The following STAT5B variants were observed in gnomAD, a reference collection of about 807,000 sequenced individuals.
The protein encoded by STAT5B is transcription factor STAT5B.
In STAT5B, 21 loss-of-function variants were observed where a neutral mutation model predicts 107.8. That is an observed-to-expected ratio of 0.19 (90% CI 0.14 to 0.28). STAT5B has a LOEUF of 0.28. Among genes scored for constraint, STAT5B ranks in the 10% least tolerant of loss-of-function variants. STAT5B has a pLI of 1.00. For synonymous variants in STAT5B, 325 were observed against 401.7 expected, an observed-to-expected ratio of 0.81 and a Z score of 2.28; for missense variants, 565 against 1,008.2, an observed-to-expected ratio of 0.56 and a Z score of 5.95.
chr17:42,262,960 GTGTGTGTGTGTATATA>G (rs1300237781), intron 1 of STAT5B, among the ~76,000 whole-genome samples: 1 of 52,412 alleles, frequency 1.9e-5, no homozygotes, highest in African/African-American at 9.1e-5. Flanking sequence ...GTGTGTGTGT[GTGTGTGTGTGTATATA>G]TATATATATA....
chr17:42,272,047 C>T (rs140951229), intron 1 of STAT5B: 46 of 152,224 alleles, frequency 3.0e-4, no homozygotes, highest in African/African-American at 1.1e-3. Flanking sequence ...TAGCATAAAG[C>T]GAGTTAAAGG....
chr17:42,233,799 T>C (rs2080336604), intron 1 of STAT5B: 1 of 152,152 alleles, frequency 6.6e-6, no homozygotes, highest in African/African-American at 2.4e-5. Flanking sequence ...CGGTAGTTTC[T>C]TTTTTTAACA....
rs1366196479 is a variant in STAT5B, at chr17:42,276,374, G to C, written c.-137C>G. 1.4e-5 allele frequency: 2 copies of C among 146,996 alleles called. No homozygotes were observed. Among genetic ancestry groups the C allele is most frequent in the African/African-American group, 4.9e-5 (2 of 40,904 alleles). The allele number at this position is 146,996 out of a possible 1,614,324, so 9.1% of individuals were successfully genotyped here. On this transcript the variant is annotated 5_prime_UTR_variant, in exon 1 of 19. Transcript: ENST00000293328. This position sits in a 1 kb window ranked among gnomAD's most constrained non-coding sequence, Gnocchi z 4.8. ...TGCCTGCGCTGGGTCCCCGCCCGGG[G>C]TGACGGCTCCGGCCGCCGACTCTCC...
rs779170624 is a variant in STAT5B, at chr17:42,201,706, A to C, written c.*32T>G. The C allele has an allele frequency of 7.6e-7, 1 of 1,323,210 alleles. No individual in the cohort carries two copies. The highest frequency in any genetic ancestry group is 1.1e-6 in the Non-Finnish European group (1 of 913,784). 82.0% of individuals were successfully genotyped at this position (1,323,210 alleles called of 1,614,324 possible). A position where few individuals can be genotyped will look rare whatever the true frequency, so the allele number is the denominator to read the frequency against. On this transcript the variant is annotated 3_prime_UTR_variant, in exon 19 of 19. Transcript: ENST00000293328. ...CACAAGAGTGATTCCTCTGGTGAAG[A>C]TGAAGAAGCTGAAGATGGAGAGGTC...
At chr17:42,267,762 C>T (rs1257564441) in intron 1 of STAT5B, among the ~76,000 whole-genome samples, 1 of 151,806 alleles carries the variant, frequency 6.6e-6, no homozygotes, top group Admixed American at 6.6e-5. Context: ...AGTTTGAGAC[C>T]AGCCTGGCCA....
At chr17:42,256,995 T>C (rs188440814) in intron 1 of STAT5B, among the ~76,000 whole-genome samples, 8 of 151,386 alleles carry the variant, frequency 5.3e-5, no homozygotes, top group African/African-American at 9.7e-5. Flanking sequence ...AAAAACAATA[T>C]ATATATGTAG....
At chr17:42,262,763 T>A (rs1199999801) in intron 1 of STAT5B, among the ~76,000 whole-genome samples, 1 of 140,118 alleles carries the variant, frequency 7.1e-6, no homozygotes, top group African/African-American at 2.7e-5. Flanking sequence ...TGTGTGTATA[T>A]ATATACATAT....
At chr17:42,268,509 C>T (rs961586547) in intron 1 of STAT5B, 4 of 151,988 alleles carry the variant, frequency 2.6e-5, no homozygotes, top group East Asian at 1.9e-4. Flanking sequence ...ACTATAGTTA[C>T]GTAACAATAA....
At chr17:42,268,946 G>A (rs1239630205) in intron 1 of STAT5B, among the ~76,000 whole-genome samples, 2 of 152,114 alleles carry the variant, frequency 1.3e-5, no homozygotes, top group Non-Finnish European at 2.9e-5. Context: ...AAGTGTTCAA[G>A]TTTCTTTTTA....
chr17:42,212,059 C>A lies in STAT5B; in HGVS notation c.1605G>T (p.Gln535His). 6.2e-7 allele frequency: 1 copy of A among 1,614,106 alleles called. No individual in the cohort carries two copies. The highest frequency in any genetic ancestry group is 8.5e-7 in the Non-Finnish European group (1 of 1,180,002). The change falls in exon 13 of 19, where the codon CAG (glutamine) becomes CAT (histidine). Residue 535 changes from glutamine to histidine, a missense_variant. By Grantham distance (24) the Gln-to-His change is conservative. This residue lies in a region of STAT5B where 127 missense variants were observed against 215.8 expected (regional missense o/e 0.59). Coordinates refer to ENST00000293328, the MANE Select transcript of STAT5B (RefSeq NM_012448.4). Reference sequence around the variant, plus strand: ...GGCTGCTGCTGTTGTTGAACAGTTTCTGCGCCAGGAACACGAGGTTCTCCT... The same window carrying A: ...GGCTGCTGCTGTTGTTGAACAGTTTATGCGCCAGGAACACGAGGTTCTCCT... ...LTKENLVFLA[Q>H]KLFNNSSSHL... is the part of the protein sequence containing the mutation.
At chr17:42,217,823 G>C (rs2080185788) in intron 9 of STAT5B, 2 of 439,722 alleles carry the variant, frequency 4.5e-6, no homozygotes, top group Admixed American at 3.5e-5. Context: ...TCCTGCCTCA[G>C]GCTCTCTAGT....
intron 1 of STAT5B, among the ~76,000 whole-genome samples, chr17:42,246,881 A>G (rs1567671213): frequency 1.3e-5 from 2 of 152,238 alleles, no homozygotes; most frequent in Non-Finnish European, 2.9e-5. Flanking sequence ...TAACAATTCA[A>G]GGTGTCTAGA....
chr17:42,240,170 T>C (rs1427543385), intron 1 of STAT5B, among the ~76,000 whole-genome samples: 2 of 152,002 alleles, frequency 1.3e-5, no homozygotes, highest in Non-Finnish European at 2.9e-5. Context: ...AAAAAACAGG[T>C]ACACAAATGT....
At chr17:42,286,486 C>T in the STAT5B span, among the ~76,000 whole-genome samples, 2 of 152,180 alleles carry the variant, frequency 1.3e-5, no homozygotes, top group African/African-American at 2.4e-5. Flanking sequence ...CACACTAAAG[C>T]CAAGCCCGGC....
chr17:42,251,773 GC>G (rs1409329463), intron 1 of STAT5B, among the ~76,000 whole-genome samples: 1 of 151,878 alleles, frequency 6.6e-6, no homozygotes, highest in African/African-American at 2.4e-5. Flanking sequence ...GCCAAGGTAG[GC>G]GAATCACAAG....
chr17:42,233,078 G>T (rs908226107), intron 1 of STAT5B, among the ~76,000 whole-genome samples: 4 of 151,658 alleles, frequency 2.6e-5, no homozygotes, highest in Admixed American at 6.6e-5. Flanking sequence ...CTGACCTCAA[G>T]TGATCCATCT....
At position 42,201,750 on chromosome 17, in the gene STAT5B, G is replaced by A. The variant is rs375173590; in HGVS notation, c.2352C>T (p.His784=). ...GRPMDSQWIP[H]AQS ...AGAGGTCGCGGGGTCACGATTGTGC[G>A]TGCGGGATCCACTGACTGTCCATTG... The change falls in exon 19 of 19, where the codon CAC becomes CAT. Residue 784 remains histidine, a synonymous_variant. Coordinates refer to ENST00000293328, the MANE Select transcript of STAT5B (RefSeq NM_012448.4). 1.0e-4 allele frequency: 162 copies of A among 1,606,708 alleles called. No individual in the cohort carries two copies. Among genetic ancestry groups the A allele is most frequent in the Middle Eastern group, 3.3e-4 (2 of 6,048 alleles).
upstream of STAT5B, among the ~76,000 whole-genome samples, chr17:42,278,765 G>A (rs1256080919): frequency 6.6e-6 from 1 of 152,100 alleles, no homozygotes; most frequent in East Asian, 1.9e-4. Context: ...TGGATCACGA[G>A]GTCAGGTGTT....
chr17:42,279,804 A>G (rs549507900), upstream of STAT5B, among the ~76,000 whole-genome samples: 44 of 128,508 alleles, frequency 3.4e-4, 2 homozygotes, highest in East Asian at 8.8e-3. Flanking sequence ...TCCATCTCAG[A>G]AAAAAAAAAA....
Sources: allele counts gnomAD v4.1 joint callset (sites outside exome capture counted in the v4.1 genomes callset), GRCh38; gene constraint gnomAD v4.1.1; regional missense constraint gnomAD v4.1.1; non-coding constraint Gnocchi (gnomAD v3.1); transcripts MANE v1.5; gene names NCBI Gene and HGNC (gene_info 2026-07-23, HGNC 2026-07-21).